The following WDR70 variants were observed in gnomAD, a reference collection of about 807,000 sequenced individuals.
WDR70 encodes the protein WD repeat-containing protein 70.
Under a neutral mutation model 88.6 loss-of-function variants are expected in WDR70, and 53 were observed. The ratio of observed to expected loss-of-function variants is 0.60; its 90% CI spans 0.48 to 0.75. The LOEUF (loss-of-function observed/expected upper bound fraction) is 0.75. WDR70 is among the 30% of genes least tolerant of loss of function. The probability of loss-of-function intolerance (pLI) is 0.00; values close to 1 mark genes in which losing one functional copy is unlikely to be tolerated. For synonymous variants in WDR70, 280 were observed against 270.0 expected, an observed-to-expected ratio of 1.04 and a Z score of -0.36; for missense variants, 610 against 823.2, an observed-to-expected ratio of 0.74 and a Z score of 3.17.
intron 10 of WDR70, among the ~76,000 whole-genome samples, chr5:37,641,122 T>C (rs1745090881): frequency 6.6e-6 from 1 of 152,228 alleles, no homozygotes; most frequent in Non-Finnish European, 1.5e-5. Flanking sequence ...GCATGCTTTT[T>C]TCCCCCTGAC....
intron 10 of WDR70, among the ~76,000 whole-genome samples, chr5:37,691,241 C>G (rs1390401414): frequency 6.6e-6 from 1 of 152,100 alleles, no homozygotes; most frequent in East Asian, 1.9e-4. Flanking sequence ...CCTACAGATA[C>G]TTAGACTCCC....
intron 10 of WDR70, among the ~76,000 whole-genome samples, chr5:37,684,788 A>C (rs774512672): frequency 3.3e-5 from 5 of 152,184 alleles, no homozygotes; most frequent in African/African-American, 7.2e-5. Context: ...CACATGTGCT[A>C]ACAGCAACAG....
chr5:37,497,235 C>T (rs1376288913), intron 8 of WDR70, among the ~76,000 whole-genome samples: 1 of 147,754 alleles, frequency 6.8e-6, no homozygotes, highest in Non-Finnish European at 1.5e-5. Flanking sequence ...TCCTCCCTCC[C>T]TCCTCCCTCC....
chr5:37,455,171 G>A (rs1738792105), intron 7 of WDR70, among the ~76,000 whole-genome samples: 1 of 150,518 alleles, frequency 6.6e-6, no homozygotes, highest in Non-Finnish European at 1.5e-5. Flanking sequence ...TTTTAGTATT[G>A]TAACATTGGA....
chr5:37,566,476 G>A (rs1387723272), intron 9 of WDR70, among the ~76,000 whole-genome samples: 3 of 151,644 alleles, frequency 2.0e-5, no homozygotes, highest in Non-Finnish European at 2.9e-5. Flanking sequence ...GAACTTAATC[G>A]TATTTTTTCT....
At chr5:37,439,091 T>C (rs775662289) in intron 6 of WDR70, among the ~76,000 whole-genome samples, 4 of 152,032 alleles carry the variant, frequency 2.6e-5, no homozygotes, top group Non-Finnish European at 4.4e-5. Context: ...CTAATTTTTT[T>C]GTATTTTTGG....
At chr5:37,734,425 T>C (rs1198995814) in intron 17 of WDR70, among the ~76,000 whole-genome samples, 1 of 152,138 alleles carries the variant, frequency 6.6e-6, no homozygotes, top group Non-Finnish European at 1.5e-5. Context: ...AGAGATTTAC[T>C]GAACACCAAC....
chr5:37,470,145 A>AAC (rs397965090), intron 7 of WDR70, among the ~76,000 whole-genome samples: 2 of 151,622 alleles, frequency 1.3e-5, no homozygotes, highest in African/African-American at 4.9e-5. Flanking sequence ...ACAAAAAAAA[A>AAC]CGCACAAAAA....
At chr5:37,689,379 T>G (rs1746712071) in intron 10 of WDR70, among the ~76,000 whole-genome samples, 1 of 152,188 alleles carries the variant, frequency 6.6e-6, no homozygotes, top group Non-Finnish European at 1.5e-5. Flanking sequence ...ACAGACTGCC[T>G]CCTCAAGTTG....
intron 8 of WDR70, among the ~76,000 whole-genome samples, chr5:37,514,339 C>CACATATATATATATATATATAT (rs1740813806): frequency 3.5e-5 from 1 of 28,728 alleles, no homozygotes; most frequent in African/African-American, 5.6e-5. Context: ...TTTAGAACTA[C>CACATATATATATATATATATAT]ATATATATAT....
intron 10 of WDR70, among the ~76,000 whole-genome samples, chr5:37,652,653 C>T (rs986850390): frequency 6.6e-6 from 1 of 152,188 alleles, no homozygotes; most frequent in African/African-American, 2.4e-5. Context: ...AGAGGTCCTT[C>T]ACATCCCTTG....
At position 37,738,911 on chromosome 5, in the gene WDR70, T is replaced by G. The variant is rs186651467; in HGVS notation, c.1877+11866T>G. On this transcript the variant is annotated intron_variant, in intron 17 of 17. Coordinates refer to ENST00000265107, the MANE Select transcript of WDR70 (RefSeq NM_018034.4). ...TGAAATCATATTAACTATTAGCAAATGCAGAGTTACCGAAGCTAAAGCAAA... is the reference window on the plus strand; with the variant it reads ...TGAAATCATATTAACTATTAGCAAAGGCAGAGTTACCGAAGCTAAAGCAAA... 4.2e-3 allele frequency among the ~76,000 whole-genome samples: 643 copies of G among 152,364 alleles called. 8 individuals are homozygous for G. The highest frequency in any genetic ancestry group is 0.015 in the African/African-American group (622 of 41,590).
intron 8 of WDR70, among the ~76,000 whole-genome samples, chr5:37,485,297 T>C (rs1739824513): frequency 6.6e-6 from 1 of 152,222 alleles, no homozygotes; most frequent in Admixed American, 6.5e-5. Flanking sequence ...TCACCTACTA[T>C]TTTTTGTAAC....
chr5:37,392,100 T>C lies in WDR70; in HGVS notation c.276T>C (p.Asp92=), dbSNP rs772800279. 6.2e-7 allele frequency: 1 copy of C among 1,610,882 alleles called. No homozygotes were observed. Among genetic ancestry groups the C allele is most frequent in the African/African-American group, 1.3e-5 (1 of 74,712 alleles). Residue 92 remains aspartate (D), a synonymous_variant, in exon 4 of 18, where the codon GAT becomes GAC. Transcript: ENST00000265107. Reference sequence around the variant, plus strand: ...CCTCAAGATCAAATGTGGTCAGAGATTGCTCCAAATCATCTTCCAGGTGCC... The same window carrying C: ...CCTCAAGATCAAATGTGGTCAGAGACTGCTCCAAATCATCTTCCAGGTGCC... The part of the protein sequence containing the change: ...PTSSRSNVVR[D]CSKSSSRDTS...
chr5:37,517,649 G>A (rs1740928597), intron 9 of WDR70, among the ~76,000 whole-genome samples: 1 of 151,830 alleles, frequency 6.6e-6, no homozygotes, highest in East Asian at 1.9e-4. Flanking sequence ...TTATAGGCAT[G>A]AGCTATGGCA....
At chr5:37,680,758 G>A (rs1452865620) in intron 10 of WDR70, among the ~76,000 whole-genome samples, 2 of 152,060 alleles carry the variant, frequency 1.3e-5, no homozygotes, top group African/African-American at 4.8e-5. Context: ...ATTGGTCTAC[G>A]TGTCTGTTCT....
At chr5:37,521,702 A>G (rs71619872) in intron 9 of WDR70, among the ~76,000 whole-genome samples, 1 of 72,942 alleles carries the variant, frequency 1.4e-5, no homozygotes, top group African/African-American at 3.9e-5. Flanking sequence ...TAGTCCAAGT[A>G]TACACACACA....
At chr5:37,707,691 G>A (rs1254433117) in intron 13 of WDR70, among the ~76,000 whole-genome samples, 1 of 151,452 alleles carries the variant, frequency 6.6e-6, no homozygotes, top group East Asian at 1.9e-4. Context: ...AAGGCAGGTG[G>A]ATCACCTGAG....
intron 7 of WDR70, among the ~76,000 whole-genome samples, chr5:37,457,934 C>T (rs1738895841): frequency 6.7e-6 from 1 of 150,066 alleles, no homozygotes; most frequent in Admixed American, 6.7e-5. Flanking sequence ...CCAGTTTTTG[C>T]CCATTCAGTA....
Sources: allele counts gnomAD v4.1 joint callset (sites outside exome capture counted in the v4.1 genomes callset), GRCh38; gene constraint gnomAD v4.1.1; transcripts MANE v1.5; gene names NCBI Gene and HGNC (gene_info 2026-07-23, HGNC 2026-07-21).